The following LAMA2 variants were observed in gnomAD, a reference collection of about 807,000 sequenced individuals.
LAMA2 encodes laminin subunit alpha-2.
LAMA2 carries 269 observed loss-of-function variants against 364.8 expected under a neutral mutation model. The observed-to-expected ratio is 0.74, with a 90% CI of 0.67 to 0.82. The LOEUF (loss-of-function observed/expected upper bound fraction) is 0.82. Among genes scored for constraint, LAMA2 ranks in the 40% least tolerant of loss-of-function variants. The pLI, the probability that LAMA2 is intolerant of heterozygous loss-of-function variation, is 0.00. For synonymous variants in LAMA2, 1,379 were observed against 1,370.6 expected (o/e 1.01, Z -0.14); for missense variants, 3,807 against 3,873.2 (o/e 0.98, Z 0.45).
At chr6:129,479,134 A>G (rs1403622255) in intron 54 of LAMA2, among the ~76,000 whole-genome samples, 1 of 151,900 alleles carries the variant, frequency 6.6e-6, no homozygotes, top group East Asian at 1.9e-4. Flanking sequence ...TCCATTTTAA[A>G]TTTATTTTAC....
intron 38 of LAMA2, 51 bp downstream of exon 38, chr6:129,401,391 C>A: frequency 1.8e-6 from 2 of 1,142,542 alleles, no homozygotes; most frequent in Non-Finnish European, 2.7e-6. Flanking sequence ...TAAATGGGAG[C>A]CGATGAGAAA....
chr6:129,156,981 C>T (rs1325141721), intron 8 of LAMA2, among the ~76,000 whole-genome samples: 1 of 152,062 alleles, frequency 6.6e-6, no homozygotes, highest in Non-Finnish European at 1.5e-5. Context: ...GGAATCCTGG[C>T]GTGCATGTGC....
chr6:129,340,011 AAAG>A (rs1187026709), intron 29 of LAMA2, among the ~76,000 whole-genome samples: 6 of 151,718 alleles, frequency 4.0e-5, no homozygotes, highest in African/African-American at 4.8e-5. Context: ...AAAAAAAAAA[AAAG>A]AAAGAAAGAA....
intron 10 of LAMA2, among the ~76,000 whole-genome samples, chr6:129,181,481 A>G (rs1780922536): frequency 6.6e-6 from 1 of 152,014 alleles, no homozygotes; most frequent in Admixed American, 6.6e-5. Context: ...AATATAAAAT[A>G]GACGCTATAT....
intron 30 of LAMA2, among the ~76,000 whole-genome samples, chr6:129,348,826 G>A (rs530671111): frequency 3.3e-5 from 5 of 151,948 alleles, no homozygotes; most frequent in Non-Finnish European, 4.4e-5. Flanking sequence ...CACACTTCAC[G>A]TCTTGAAGCA....
intron 16 of LAMA2, 42 bp from the exon 17 acceptor site, chr6:129,270,582 T>C: frequency 1.9e-6 from 3 of 1,610,742 alleles, no homozygotes; most frequent in Non-Finnish European, 1.7e-6. Context: ...TGTTGATCCC[T>C]GACACCAAAA....
At chr6:128,883,564 G>A (rs1775947406) in intron 1 of LAMA2, among the ~76,000 whole-genome samples, 1 of 151,494 alleles carries the variant, frequency 6.6e-6, no homozygotes, top group African/African-American at 2.4e-5. Flanking sequence ...TCCTGCAAAA[G>A]GAACGGGGAG....
chr6:128,975,005 C>T (rs571103981), intron 1 of LAMA2, among the ~76,000 whole-genome samples: 4 of 152,002 alleles, frequency 2.6e-5, no homozygotes, highest in Non-Finnish European at 5.9e-5. Flanking sequence ...GCGCCCACCA[C>T]CATGCCCAGC....
At chr6:129,229,270 T>C (rs1260145351) in intron 12 of LAMA2, among the ~76,000 whole-genome samples, 1 of 152,152 alleles carries the variant, frequency 6.6e-6, no homozygotes, top group East Asian at 1.9e-4. Context: ...TTTAATTTTA[T>C]ATAGAATATT....
intron 53 of LAMA2, 27 bp downstream of exon 53, chr6:129,475,428 C>A (rs1267754900): frequency 2.6e-6 from 4 of 1,559,900 alleles, no homozygotes; most frequent in Non-Finnish European, 3.5e-6. Flanking sequence ...TGCATGCCTT[C>A]TTCGAGTGCA....
rs182358323 is a variant in LAMA2 at position 129,254,221 on chromosome 6, C to T, written c.2096+1926C>T. Among the ~76,000 whole-genome samples, 14 of 152,298 alleles carry T rather than the reference C, an allele frequency of 9.2e-5. No homozygotes were observed. The East Asian group carries it at 2.7e-3, about 29-fold the overall frequency. ...CAGTGGATTTACTTCCATGGCAGTT[C>T]TTTCAGCAAATGGGCTTAGGTTCCT... On this transcript the variant is annotated intron_variant, in intron 14 of 64. Coordinates refer to ENST00000421865, the MANE Select transcript of LAMA2 (RefSeq NM_000426.4).
At chr6:129,313,674 C>T (rs1338949463) in intron 23 of LAMA2, among the ~76,000 whole-genome samples, 1 of 152,034 alleles carries the variant, frequency 6.6e-6, no homozygotes, top group Non-Finnish European at 1.5e-5. Flanking sequence ...AGGATTTTTC[C>T]CCTCAGATAG....
At chr6:128,914,240 G>C (rs145891953) in intron 1 of LAMA2, among the ~76,000 whole-genome samples, 1 of 152,132 alleles carries the variant, frequency 6.6e-6, no homozygotes, top group Non-Finnish European at 1.5e-5. Context: ...CTGGGATGTC[G>C]TAACAATTTG....
chr6:128,884,098 G>T (rs1385376536), intron 1 of LAMA2, among the ~76,000 whole-genome samples: 1 of 152,054 alleles, frequency 6.6e-6, no homozygotes, highest in African/African-American at 2.4e-5. Context: ...GACTTTGGAA[G>T]ATGGCTGTAT....
intron 32 of LAMA2, among the ~76,000 whole-genome samples, chr6:129,355,668 G>C (rs374180202): frequency 6.6e-6 from 1 of 152,054 alleles, no homozygotes; most frequent in African/African-American, 2.4e-5. Flanking sequence ...AGAAATGTCT[G>C]CAGTGCTTGT....
chr6:129,430,592 G>T (rs1781540229), intron 41 of LAMA2, among the ~76,000 whole-genome samples: 1 of 152,168 alleles, frequency 6.6e-6, no homozygotes, highest in Admixed American at 6.5e-5. Context: ...TATGAGGCTT[G>T]GTACAAATTG....
chr6:129,206,112 GGAAGGAAGGA>G (rs1562331112), intron 12 of LAMA2, among the ~76,000 whole-genome samples: 2,262 of 97,240 alleles, frequency 0.023, 98 homozygotes, highest in African/African-American at 0.079. Flanking sequence ...GAGGGAGGAA[GGAAGGAAGGA>G]AGGAAGGAAG....
chr6:129,053,317 G>C (rs888932092), intron 2 of LAMA2, among the ~76,000 whole-genome samples: 21 of 152,040 alleles, frequency 1.4e-4, no homozygotes, highest in Non-Finnish European at 2.6e-4. Context: ...CAACTGCCTC[G>C]GCCTCCCAAA....
chr6:129,184,056 G>A (rs750145954), intron 10 of LAMA2, among the ~76,000 whole-genome samples: 33 of 152,006 alleles, frequency 2.2e-4, no homozygotes, highest in Middle Eastern at 3.4e-3. Flanking sequence ...CAAGTATAAA[G>A]TATAACCATA....
Sources: allele counts gnomAD v4.1 joint callset (sites outside exome capture counted in the v4.1 genomes callset), GRCh38; gene constraint gnomAD v4.1.1; transcripts MANE v1.5; gene names NCBI Gene and HGNC (gene_info 2026-07-23, HGNC 2026-07-21).